Variants in FAM162A observed in about 807,000 individuals in gnomAD.
FAM162A encodes protein FAM162A.
FAM162A carries 23 observed loss-of-function variants against 21.8 expected under a neutral mutation model. The observed-to-expected ratio is 1.05, with a 90% CI of 0.76 to 1.49. The LOEUF (loss-of-function observed/expected upper bound fraction) is 1.49. Ranked by LOEUF, FAM162A falls within the 40% of genes most tolerant of loss-of-function variation. The probability of loss-of-function intolerance (pLI) is 0.00; values close to 1 mark genes in which losing one functional copy is unlikely to be tolerated. For missense variants in FAM162A, 165 were observed against 186.4 expected, an observed-to-expected ratio of 0.89 and a Z score of 0.67; for synonymous variants, 53 against 61.3, an observed-to-expected ratio of 0.86 and a Z score of 0.64.
chr3:122,408,228 A>G (rs1211977404), intron 4 of FAM162A, among the ~76,000 whole-genome samples: 2 of 152,230 alleles, frequency 1.3e-5, no homozygotes, highest in Non-Finnish European at 2.9e-5. Flanking sequence ...TCACACAGCT[A>G]ACAAGTGGCA....
chr3:122,401,817 G>GT (rs1560001478), intron 1 of FAM162A, among the ~76,000 whole-genome samples: 1 of 151,826 alleles, frequency 6.6e-6, no homozygotes, highest in Admixed American at 6.6e-5. Flanking sequence ...ATGGGCTGGT[G>GT]TTTTTTTTCT....
chr3:122,386,996 C>G (rs772313193), intron 1 of FAM162A, among the ~76,000 whole-genome samples: 5 of 152,100 alleles, frequency 3.3e-5, no homozygotes, highest in South Asian at 2.1e-4. Context: ...GGCCATTTAC[C>G]CACACTACGC....
rs1344998372 is a variant in FAM162A, at chr3:122,404,288, C to T, written c.188C>T (p.Pro63Leu). 6.2e-7 allele frequency: 1 copy of T among 1,606,998 alleles called. No individual in the cohort carries two copies. The highest frequency in any genetic ancestry group is 2.3e-5 in the East Asian group (1 of 44,436). ...TACAACAGAGTGCCTTTACACAAAC[C>T]TACGGATTGGCAGAAAAAGATCCTC... Reference protein sequence around the residue: ...RTYNRVPLHKPTDWQKKILIW... With the variant: ...RTYNRVPLHKLTDWQKKILIW... The change falls in exon 3 of 5, where the codon CCT becomes CTT. Residue 63 changes from proline (P) to leucine (L), a missense_variant. Pro to Leu is a moderately conservative substitution (Grantham distance 98). Transcript: ENST00000477892.
rs749708701 is a variant in FAM162A at position 122,402,773 on chromosome 3, G to A, written c.48G>A (p.Arg16=). The A allele has an allele frequency of 2.6e-6, 4 of 1,551,066 alleles. No individual in the cohort carries two copies. In the African/African-American group the frequency reaches 5.5e-5, roughly 21 times the overall value. The change falls in exon 2 of 5, where the codon AGG becomes AGA. Residue 16 remains arginine (R), a synonymous_variant. Transcript: ENST00000477892. ...GLRLAAGSCF[R]LCERDVSSSL... ...TCTCTTTTTTAGGAAGCTGTTTTAG[G>A]TTATGTGAAAGAGATGTTTCCTCAT...
In FAM162A at chr3:122,409,726, T is replaced by C. The variant is rs374756614; in HGVS notation, c.373-13T>C. The C allele has an allele frequency of 3.1e-6, 5 of 1,613,144 alleles. No homozygotes were observed. Among genetic ancestry groups the C allele is most frequent in the East Asian group, 2.2e-5 (1 of 44,882 alleles). On this transcript the variant is annotated splice_polypyrimidine_tract_variant and intron_variant, in intron 4 of 4. Coordinates refer to ENST00000477892, the MANE Select transcript of FAM162A (RefSeq NM_014367.4). ...AGCATACAAATCACCTGTTCAAATC[T>C]GTTTTGCTTTAGGCTGCCCAAAGAC...
rs1024382783 is a variant in FAM162A at position 122,396,008 on chromosome 3, T to C, written c.35-6752T>C. 3.9e-5 allele frequency among the ~76,000 whole-genome samples: 6 copies of C among 152,176 alleles called. No homozygotes were observed. In the South Asian group the frequency reaches 1.0e-3, roughly 26 times the overall value. On this transcript the variant is annotated intron_variant, in intron 1 of 4. Transcript: ENST00000477892. ...GATATTTACATGCCAAAGAATGAAT[T>C]TGGATCCTTTTCACAGAAAGTATAC...
chr3:122,384,801 TTAA>T (rs2075566813), intron 1 of FAM162A, among the ~76,000 whole-genome samples: 1 of 152,220 alleles, frequency 6.6e-6, no homozygotes, highest in African/African-American at 2.4e-5. Flanking sequence ...GTCTTAGAGA[TTAA>T]TAATAATTGT....
intron 1 of FAM162A, 34 bp from the exon 2 acceptor site, chr3:122,402,726 T>C: frequency 6.7e-7 from 1 of 1,499,248 alleles, no homozygotes. Flanking sequence ...TTTTCTTTCT[T>C]TCTTTCTTTG....
chr3:122,400,062 C>T (rs1054762953), intron 1 of FAM162A, among the ~76,000 whole-genome samples: 3 of 152,134 alleles, frequency 2.0e-5, no homozygotes, highest in Admixed American at 6.6e-5. Context: ...TGAGACCACA[C>T]CATTGCACTC....
rs2075700456 is a variant in FAM162A at position 122,410,601 on chromosome 3, T to C, written c.*770T>C. 2 of 152,270 alleles carry C rather than the reference T, an allele frequency of 1.3e-5. No individual in the cohort carries two copies. The highest frequency in any genetic ancestry group is 2.9e-5 in the Non-Finnish European group (2 of 68,072). The allele number at this position is 152,270 out of a possible 1,614,324, so 9.4% of individuals were successfully genotyped here. A position where few individuals can be genotyped will look rare whatever the true frequency, so the allele number is the denominator to read the frequency against. On this transcript the variant is annotated 3_prime_UTR_variant, in exon 5 of 5. Coordinates refer to ENST00000477892, the MANE Select transcript of FAM162A (RefSeq NM_014367.4). ...TTTGACCTTGGGATATCGAGTTGTCTCATATTTAGGTATGAATACAGGTTT... is the reference window on the plus strand; with the variant it reads ...TTTGACCTTGGGATATCGAGTTGTCCCATATTTAGGTATGAATACAGGTTT...
chr3:122,404,841 CT>C (rs1009963471), intron 3 of FAM162A, among the ~76,000 whole-genome samples: 4 of 152,182 alleles, frequency 2.6e-5, no homozygotes, highest in African/African-American at 7.2e-5. Context: ...GATCATGGAA[CT>C]TTTTCAGAGT....
At chr3:122,400,969 C>T (rs1481685142) in intron 1 of FAM162A, among the ~76,000 whole-genome samples, 2 of 152,076 alleles carry the variant, frequency 1.3e-5, no homozygotes, top group Non-Finnish European at 2.9e-5. Flanking sequence ...CATCTTATAT[C>T]TTAATATCTT....
intron 1 of FAM162A, among the ~76,000 whole-genome samples, chr3:122,385,900 G>A (rs892841963): frequency 1.8e-4 from 27 of 152,110 alleles, no homozygotes; most frequent in African/African-American, 6.3e-4. Context: ...TTTGTTGGAT[G>A]GATTTCTCAT....
intron 1 of FAM162A, among the ~76,000 whole-genome samples, chr3:122,394,538 A>G (rs1371234833): frequency 6.6e-6 from 1 of 152,222 alleles, no homozygotes; most frequent in African/African-American, 2.4e-5. Flanking sequence ...TACATAAACC[A>G]GATGAAATGG....
chr3:122,401,881 A>G (rs776419161), intron 1 of FAM162A, among the ~76,000 whole-genome samples: 1 of 152,092 alleles, frequency 6.6e-6, no homozygotes, highest in Admixed American at 6.5e-5. Flanking sequence ...TGTCAGATGC[A>G]TAGTTTGCAA....
intron 2 of FAM162A, among the ~76,000 whole-genome samples, chr3:122,403,156 T>C (rs2075660644): frequency 6.6e-6 from 1 of 151,740 alleles, no homozygotes; most frequent in Admixed American, 6.6e-5. Flanking sequence ...TACTCATACG[T>C]AGGCCCATGT....
At chr3:122,400,661 C>A (rs928565116) in intron 1 of FAM162A, among the ~76,000 whole-genome samples, 72 of 147,292 alleles carry the variant, frequency 4.9e-4, no homozygotes, top group Non-Finnish European at 8.9e-4. Context: ...CCCGTCTATA[C>A]TAAAAATACA....
At chr3:122,405,392 CCAGT>C (rs1473928529) in intron 3 of FAM162A, among the ~76,000 whole-genome samples, 5 of 152,292 alleles carry the variant, frequency 3.3e-5, no homozygotes, top group African/African-American at 1.2e-4. Context: ...TCTGCTTCTG[CCAGT>C]CAAATTGATA....
At chr3:122,384,571 C>G (rs563056138) in intron 1 of FAM162A, among the ~76,000 whole-genome samples, 124 of 152,246 alleles carry the variant, frequency 8.1e-4, no homozygotes, top group African/African-American at 2.5e-3. Flanking sequence ...CTCCCCACCC[C>G]CGTCCTCAGC....
Sources: allele counts gnomAD v4.1 joint callset (sites outside exome capture counted in the v4.1 genomes callset), GRCh38; gene constraint gnomAD v4.1.1; transcripts MANE v1.5; gene names NCBI Gene and HGNC (gene_info 2026-07-23, HGNC 2026-07-21).